Variants in DMD observed in about 807,000 individuals in gnomAD.
The protein encoded by DMD is mutant dystrophin.
In DMD, 63 loss-of-function variants were observed where a neutral mutation model predicts 330.1. That is an observed-to-expected ratio of 0.19 (90% CI 0.16 to 0.24). The LOEUF (loss-of-function observed/expected upper bound fraction) is 0.24. Among genes scored for constraint, DMD ranks in the 10% least tolerant of loss-of-function variants. The pLI is 1.00. For missense variants in DMD, 3,344 were observed against 2,684.1 expected (o/e 1.25, Z -5.43); for synonymous variants, 1,223 against 959.8 (o/e 1.27, Z -5.07).
chrX:32,583,376 G>A (rs7062135), intron 13 of DMD, among the ~76,000 whole-genome samples: 4,527 of 111,069 alleles, frequency 0.041, 245 homozygotes, highest in African/African-American at 0.14. Context: ...GTGGGCACCT[G>A]CAAACCCAGC....
chrX:33,161,486 C>T (rs973084729), intron 1 of DMD, among the ~76,000 whole-genome samples: 4 of 111,578 alleles, frequency 3.6e-5, no homozygotes, highest in African/African-American at 1.3e-4. Context: ...TTGTTATTCC[C>T]ATTTTATTAT....
chrX:31,275,250 T>A (rs1224238316), intron 62 of DMD, among the ~76,000 whole-genome samples: 4 of 110,380 alleles, frequency 3.6e-5, no homozygotes, highest in African/African-American at 1.3e-4. Flanking sequence ...ATTGACTCTG[T>A]GAGCTAATCG....
At chrX:32,241,549 A>T (rs892235969) in intron 43 of DMD, among the ~76,000 whole-genome samples, 2 of 112,295 alleles carry the variant, frequency 1.8e-5, no homozygotes, top group African/African-American at 3.2e-5. Flanking sequence ...CCTTGCTTGA[A>T]GCAATTTTAA....
At chrX:33,030,021 G>A (rs1302120242) in intron 1 of DMD, among the ~76,000 whole-genome samples, 5 of 111,163 alleles carry the variant, frequency 4.5e-5, no homozygotes, top group African/African-American at 1.6e-4. Flanking sequence ...TATCTCTGTG[G>A]CCTTGAGTAA....
At chrX:31,325,103 T>G (rs767706220) in intron 61 of DMD, among the ~76,000 whole-genome samples, 2 of 112,089 alleles carry the variant, frequency 1.8e-5, no homozygotes, top group South Asian at 7.4e-4. Context: ...TAGCTGCTGT[T>G]TTGAAGTAGT....
chrX:32,636,041 T>G (rs1569355914), intron 11 of DMD, among the ~76,000 whole-genome samples: 1 of 112,105 alleles, frequency 8.9e-6, no homozygotes, highest in Non-Finnish European at 1.9e-5. Flanking sequence ...AGCCTGACAC[T>G]GCATGGTGTC....
At chrX:33,017,853 T>C (rs993802652) in intron 2 of DMD, among the ~76,000 whole-genome samples, 8 of 111,795 alleles carry the variant, frequency 7.2e-5, no homozygotes, top group African/African-American at 1.9e-4. Flanking sequence ...GAGATTCCAC[T>C]TCAACTAATC....
At chrX:32,511,394 T>C (rs746021121) in intron 18 of DMD, among the ~76,000 whole-genome samples, 7 of 107,856 alleles carry the variant, frequency 6.5e-5, no homozygotes, top group Non-Finnish European at 1.2e-4. Flanking sequence ...TGGTGGCACG[T>C]GCCTGTAGTC....
chrX:33,124,476 GAAAAAAAAAAAAAAAA>G (rs56147804), intron 1 of DMD, among the ~76,000 whole-genome samples: 11 of 16,131 alleles, frequency 6.8e-4, no homozygotes, highest in African/African-American at 8.2e-4. Flanking sequence ...GACTCTGTCT[GAAAAAAAAAAAAAAAA>G]AAAAAAAAAA....
chrX:33,250,359 T>C (rs1334301643), intron 1 of DMD, among the ~76,000 whole-genome samples: 1 of 108,909 alleles, frequency 9.2e-6, no homozygotes, highest in Non-Finnish European at 1.9e-5. Context: ...CAGTTCACAG[T>C]AGGGTTGGCT....
intron 7 of DMD, among the ~76,000 whole-genome samples, chrX:32,738,634 T>C (rs1443462471): frequency 8.9e-6 from 1 of 111,936 alleles, no homozygotes; most frequent in African/African-American, 3.2e-5. Flanking sequence ...ATTTTAAAGT[T>C]AATTGAATGG....
chrX:32,666,327 A>C (rs187056940), intron 9 of DMD, among the ~76,000 whole-genome samples: 171 of 110,700 alleles, frequency 1.5e-3, no homozygotes, highest in Middle Eastern at 4.6e-3. Context: ...TGCATGCATT[A>C]GGTATTTATC....
At chrX:31,901,652 CT>C (rs774907209) in intron 47 of DMD, among the ~76,000 whole-genome samples, 50 of 111,806 alleles carry the variant, frequency 4.5e-4, no homozygotes, top group African/African-American at 1.5e-3. Flanking sequence ...TAGAAACATT[CT>C]GTCTATTCCT....
intron 44 of DMD, among the ~76,000 whole-genome samples, chrX:31,980,874 C>T (rs1034943353): frequency 8.9e-6 from 1 of 111,838 alleles, no homozygotes. Flanking sequence ...GAAATAAAAA[C>T]AATATCATTT....
intron 55 of DMD, among the ~76,000 whole-genome samples, chrX:31,513,766 T>C (rs1236487251): frequency 8.9e-6 from 1 of 111,733 alleles, no homozygotes; most frequent in Non-Finnish European, 1.9e-5. Flanking sequence ...AACCTTACTG[T>C]ACATCAGGTG....
intron 11 of DMD, among the ~76,000 whole-genome samples, chrX:32,638,823 G>C (rs1380942048): frequency 4.5e-5 from 5 of 110,753 alleles, no homozygotes; most frequent in Non-Finnish European, 9.5e-5. Context: ...CCACTCATTT[G>C]TTCAGCACCT....
intron 7 of DMD, among the ~76,000 whole-genome samples, chrX:32,749,522 C>G (rs188489969): frequency 8.9e-6 from 1 of 112,276 alleles, no homozygotes; most frequent in African/African-American, 3.2e-5. Context: ...TATAAATTAT[C>G]CTGTTTTCTT....
chrX:32,673,740 G>C (rs768440788), intron 9 of DMD, among the ~76,000 whole-genome samples: 1 of 112,039 alleles, frequency 8.9e-6, no homozygotes, highest in Non-Finnish European at 1.9e-5. Flanking sequence ...TCAAAGATTG[G>C]CTATGCCCTC....
chrX:32,678,354 G>A (rs1258887063), intron 9 of DMD, among the ~76,000 whole-genome samples: 2 of 112,163 alleles, frequency 1.8e-5, no homozygotes, highest in African/African-American at 6.5e-5. Flanking sequence ...CATTTTTTAT[G>A]TAAGGTGAAA....
Sources: allele counts gnomAD v4.1 joint callset (sites outside exome capture counted in the v4.1 genomes callset), GRCh38; gene constraint gnomAD v4.1.1; transcripts MANE v1.5; gene names NCBI Gene and HGNC (gene_info 2026-07-23, HGNC 2026-07-21).